Variants in DCLK1 observed in about 807,000 individuals in gnomAD.
DCLK1 encodes the protein doublecortin like kinase 1.
A neutral mutation model predicts 86.2 loss-of-function variants in DCLK1; 16 were observed. The observed-to-expected ratio is 0.19, with a 90% CI of 0.13 to 0.28. The LOEUF (loss-of-function observed/expected upper bound fraction) is 0.28, where lower values mean the gene tolerates loss of function less well. Ranked by LOEUF, DCLK1 falls within the 10% of genes least tolerant of loss-of-function variation. The probability of loss-of-function intolerance (pLI) is 1.00; values close to 1 mark genes in which losing one functional copy is unlikely to be tolerated. For synonymous variants in DCLK1, 369 were observed against 370.5 expected (o/e 1.00, Z 0.05); for missense variants, 590 against 940.2 (o/e 0.63, Z 4.87).
At chr13:35,887,641 C>T (rs562105243) in intron 4 of DCLK1, among the ~76,000 whole-genome samples, 92 of 152,184 alleles carry the variant, frequency 6.0e-4, no homozygotes, top group Non-Finnish European at 1.1e-3. Flanking sequence ...GTTTCCTATT[C>T]TGTGAAAAAC....
In DCLK1 at chr13:35,988,418, C is replaced by T. The variant is rs1880049270; in HGVS notation, c.724-40961G>A. The stretch of plus-strand genomic sequence containing the variant: ...GCCCTCCCCCTGTGATGCAAGAAGG[C>T]CACCTGGATGAGGTCTGAGCACTCA... On this transcript the variant is annotated intron_variant, in intron 3 of 16. Coordinates refer to ENST00000360631, the MANE Select transcript of DCLK1 (RefSeq NM_001330071.2). Among the ~76,000 whole-genome samples the T allele has an allele frequency of 2.0e-5, 3 of 152,224 alleles. No individual in the cohort carries two copies. In the South Asian group the frequency reaches 6.2e-4, roughly 31 times the overall value.
chr13:35,891,871 C>T (rs1873664596), intron 4 of DCLK1, among the ~76,000 whole-genome samples: 1 of 152,178 alleles, frequency 6.6e-6, no homozygotes, highest in Admixed American at 6.5e-5. Context: ...TCACTCTCTC[C>T]TTTAGGGTAG....
chr13:36,067,520 G>T (rs1883803905), intron 3 of DCLK1, among the ~76,000 whole-genome samples: 1 of 149,896 alleles, frequency 6.7e-6, no homozygotes, highest in Admixed American at 6.6e-5. Flanking sequence ...TAACTAACCT[G>T]CACATTGTGC....
chr13:35,960,226 TC>T (rs1417892932), intron 3 of DCLK1, among the ~76,000 whole-genome samples: 3 of 152,140 alleles, frequency 2.0e-5, no homozygotes, highest in African/African-American at 7.2e-5. Context: ...AATCATGGTT[TC>T]AAAAGCTACC....
intron 4 of DCLK1, among the ~76,000 whole-genome samples, chr13:35,941,616 C>T (rs1026757084): frequency 1.2e-4 from 19 of 152,264 alleles, no homozygotes; most frequent in Middle Eastern, 6.8e-3. Context: ...CACACACACA[C>T]GCACACGCAC....
intron 3 of DCLK1, among the ~76,000 whole-genome samples, chr13:36,105,909 A>G (rs1885376554): frequency 6.6e-6 from 1 of 152,186 alleles, no homozygotes; most frequent in Non-Finnish European, 1.5e-5. Context: ...AAAGGCTCAC[A>G]GGCCGGGTCA....
chr13:36,086,407 T>C (rs1884601046), intron 3 of DCLK1, among the ~76,000 whole-genome samples: 1 of 150,702 alleles, frequency 6.6e-6, no homozygotes, highest in South Asian at 2.1e-4. Context: ...TCAGACAACA[T>C]TACTGGCTGG....
intron 3 of DCLK1, among the ~76,000 whole-genome samples, chr13:36,047,728 G>C (rs903999442): frequency 7.2e-5 from 11 of 152,002 alleles, no homozygotes; most frequent in Admixed American, 4.6e-4. Flanking sequence ...CAAAATTTCA[G>C]TTAGGACAGA....
At chr13:35,822,680 T>C in intron 11 of DCLK1, 49 bp downstream of exon 11, 2 of 1,609,936 alleles carry the variant, frequency 1.2e-6, no homozygotes, top group Non-Finnish European at 1.7e-6. Context: ...TCATATTCCT[T>C]CATGAGTGCT....
intron 3 of DCLK1, among the ~76,000 whole-genome samples, chr13:36,043,033 GA>G (rs1882748405): frequency 2.0e-5 from 3 of 151,860 alleles, no homozygotes; most frequent in South Asian, 2.1e-4. Flanking sequence ...TATTTAGAGG[GA>G]AAAAAAGTTT....
chr13:35,824,082 C>A (rs1335829075), intron 10 of DCLK1, among the ~76,000 whole-genome samples: 1 of 152,234 alleles, frequency 6.6e-6, no homozygotes, highest in Non-Finnish European at 1.5e-5. Context: ...ATGTGAACAG[C>A]ACCCCTGGAG....
intron 3 of DCLK1, among the ~76,000 whole-genome samples, chr13:36,095,785 G>A (rs1335981228): frequency 6.6e-6 from 1 of 152,106 alleles, no homozygotes; most frequent in East Asian, 1.9e-4. Context: ...AAAGGGGAAT[G>A]CAAGCCCCAA....
intron 4 of DCLK1, among the ~76,000 whole-genome samples, chr13:35,898,461 C>T (rs559104235): frequency 6.6e-6 from 1 of 152,298 alleles, no homozygotes; most frequent in South Asian, 2.1e-4. Context: ...CAGCAGTAAA[C>T]ATTTCTTATA....
intron 6 of DCLK1, among the ~76,000 whole-genome samples, chr13:35,854,227 A>C (rs1012363384): frequency 1.3e-5 from 2 of 152,218 alleles, no homozygotes; most frequent in Non-Finnish European, 2.9e-5. Context: ...AGTGCTAATA[A>C]AGCCTGTGCA....
chr13:35,804,298 T>A (rs1593607145), intron 15 of DCLK1, among the ~76,000 whole-genome samples: 1 of 24,018 alleles, frequency 4.2e-5, no homozygotes, highest in Non-Finnish European at 6.3e-5. Context: ...GCCTAGCTAT[T>A]TTTTTTTTTT....
chr13:35,886,968 C>T (rs1873306708), intron 4 of DCLK1, among the ~76,000 whole-genome samples: 1 of 152,202 alleles, frequency 6.6e-6, no homozygotes, highest in Admixed American at 6.5e-5. Context: ...ACTCCTCTTT[C>T]AGTCATTCTC....
In DCLK1 at chr13:35,803,595, C is replaced by T. The variant is rs992746212; in HGVS notation, c.1944+2104G>A. Reference sequence around the variant, plus strand: ...GACATGTAGAATGCTGGAATCTAGACCTATGGCCATCTAGTGGCACAACAT... The same window carrying T: ...GACATGTAGAATGCTGGAATCTAGATCTATGGCCATCTAGTGGCACAACAT... On this transcript the variant is annotated intron_variant, in intron 15 of 16. Coordinates refer to ENST00000360631, the MANE Select transcript of DCLK1 (RefSeq NM_001330071.2). 2.0e-5 allele frequency among the ~76,000 whole-genome samples: 3 copies of T among 152,182 alleles called. No individual in the cohort carries two copies. The East Asian group carries it at 5.8e-4, about 29-fold the overall frequency.
rs1373310799 is a variant in DCLK1 at position 35,900,282 on chromosome 13, C to A, written c.824-28942G>T. Among the ~76,000 whole-genome samples the A allele has an allele frequency of 4.6e-5, 7 of 150,862 alleles. No individual in the cohort carries two copies. The East Asian group carries it at 1.2e-3, about 25-fold the overall frequency. On this transcript the variant is annotated intron_variant, in intron 4 of 16. Coordinates refer to ENST00000360631, the MANE Select transcript of DCLK1 (RefSeq NM_001330071.2). ...TTGAGACAGAGTCTCGCTCTGTTGC[C>A]CAGGCTGGAGTGCAGTGGCACCATC...
chr13:35,973,946 G>C (rs900562382), intron 3 of DCLK1, among the ~76,000 whole-genome samples: 4 of 152,140 alleles, frequency 2.6e-5, no homozygotes, highest in Non-Finnish European at 5.9e-5. Flanking sequence ...AGTGAGGTTT[G>C]GGGCAAAGGA....
Sources: gnomAD v4.1 joint callset for allele counts (sites outside exome capture counted in the v4.1 genomes callset) on GRCh38, gnomAD v4.1.1 for gene constraint, MANE v1.5 for transcripts, NCBI Gene and HGNC (gene_info 2026-07-23, HGNC 2026-07-21) for gene names.